MGMT: variants seen among roughly 807,000 people sequenced by gnomAD.
MGMT encodes O-6-methylguanine-DNA methyltransferase.
Under a neutral mutation model 15.9 loss-of-function variants are expected in MGMT, and 14 were observed. That is an observed-to-expected ratio of 0.88 (90% confidence interval 0.58 to 1.37). The LOEUF (loss-of-function observed/expected upper bound fraction) is 1.37. MGMT is among the 40% of genes most tolerant of loss of function. The pLI, the probability that MGMT is intolerant of heterozygous loss-of-function variation, is 0.00. For missense variants in MGMT, 282 were observed against 268.1 expected, an observed-to-expected ratio of 1.05 and a Z score of -0.36; for synonymous variants, 130 against 118.2, an observed-to-expected ratio of 1.10 and a Z score of -0.65.
intron 2 of MGMT, among the ~76,000 whole-genome samples, chr10:129,551,200 A>T (rs1025140981): frequency 6.6e-6 from 1 of 152,242 alleles, no homozygotes; most frequent in Non-Finnish European, 1.5e-5. Flanking sequence ...ACCCAAGTAC[A>T]TGCAAAGTGC....
Position 129,767,306 on chromosome 10 carries a change from C to T in MGMT, c.*309C>T, listed in dbSNP as rs1328454556. ...GGGGCAGTCTGGCACCCTCAGGCCA[C>T]AGACGGCTGCCATAGCCGCTGTCCA... On this transcript the variant is annotated 3_prime_UTR_variant, in exon 5 of 5. Transcript: ENST00000651593. 1 of 230,496 alleles carries T rather than the reference C, an allele frequency of 4.3e-6. No individual in the cohort carries two copies. Among genetic ancestry groups the T allele is most frequent in the African/African-American group, 2.3e-5 (1 of 43,774 alleles). The allele number at this position is 230,496 out of a possible 1,614,324, so 14.3% of individuals were successfully genotyped here.
intron 2 of MGMT, among the ~76,000 whole-genome samples, chr10:129,669,362 T>G (rs2133111310): frequency 6.6e-6 from 1 of 152,310 alleles, no homozygotes; most frequent in South Asian, 2.1e-4. Context: ...TCTTTCTGGC[T>G]GGTTGCTTAC....
intron 2 of MGMT, among the ~76,000 whole-genome samples, chr10:129,706,602 G>A (rs1246674549): frequency 2.0e-5 from 3 of 152,184 alleles, no homozygotes; most frequent in Non-Finnish European, 4.4e-5. Context: ...GGGGAAGCAT[G>A]CCGTTTGTCT....
Position 129,768,193 on chromosome 10 carries a change from G to T in MGMT, c.*1196G>T, listed in dbSNP as rs369334525. On this transcript the variant is annotated 3_prime_UTR_variant, in exon 5 of 5. Coordinates refer to ENST00000651593, the MANE Select transcript of MGMT (RefSeq NM_002412.5). ...CTCACGATGTGTATGGTTGGGACCC[G>T]CCTTCTATTTCATTTTATCTTAACA... is the stretch of plus-strand genomic sequence containing the variant. 6.6e-6 allele frequency among the ~76,000 whole-genome samples: 1 copy of T among 152,120 alleles called. No individual in the cohort carries two copies. The highest frequency in any genetic ancestry group is 1.5e-5 in the Non-Finnish European group (1 of 68,022).
At chr10:129,753,531 GA>G (rs1324301305) in intron 3 of MGMT, among the ~76,000 whole-genome samples, 1 of 151,850 alleles carries the variant, frequency 6.6e-6, no homozygotes, top group East Asian at 1.9e-4. Context: ...TTGTTTGGAT[GA>G]TTTTTTGTTA....
Position 129,725,878 on chromosome 10 carries a change from A to C in MGMT, c.274+17835A>C, listed in dbSNP as rs1589960518. 2.0e-5 allele frequency among the ~76,000 whole-genome samples: 3 copies of C among 152,332 alleles called. No individual in the cohort carries two copies. The Middle Eastern group carries it at 0.01, about 518-fold the overall frequency. ...TTCAATTCTGCTGTCACGTGTCTGC[A>C]CTGTAGCCTGTTCTGCCTTCTCAAC... On this transcript the variant is annotated intron_variant, in intron 3 of 4. Coordinates refer to ENST00000651593, the MANE Select transcript of MGMT (RefSeq NM_002412.5).
At chr10:129,658,366 AT>A (rs1847556102) in intron 2 of MGMT, among the ~76,000 whole-genome samples, 4 of 152,214 alleles carry the variant, frequency 2.6e-5, no homozygotes, top group Non-Finnish European at 5.9e-5. Context: ...TTTATAAAAT[AT>A]GCATTGAGAG....
intron 2 of MGMT, among the ~76,000 whole-genome samples, chr10:129,643,621 G>C (rs978962017): frequency 2.0e-5 from 3 of 152,192 alleles, no homozygotes; most frequent in Non-Finnish European, 4.4e-5. Flanking sequence ...GTGACTGTTC[G>C]TGCCAGTGAA....
intron 2 of MGMT, among the ~76,000 whole-genome samples, chr10:129,677,639 C>G (rs572954107): frequency 5.3e-5 from 8 of 152,366 alleles, no homozygotes; most frequent in South Asian, 4.1e-4. Flanking sequence ...AGCTCAACAC[C>G]TGCCTGCCTC....
chr10:129,686,004 CA>C (rs1327310071), intron 2 of MGMT, among the ~76,000 whole-genome samples: 1 of 152,218 alleles, frequency 6.6e-6, no homozygotes, highest in Non-Finnish European at 1.5e-5. Context: ...TGCCCAGTGG[CA>C]GATGTGCTTA....
intron 2 of MGMT, among the ~76,000 whole-genome samples, chr10:129,691,174 A>G (rs1308065915): frequency 1.3e-5 from 2 of 152,206 alleles, no homozygotes; most frequent in African/African-American, 4.8e-5. Flanking sequence ...AAGGAGTTAG[A>G]GGTGATGACC....
intron 2 of MGMT, among the ~76,000 whole-genome samples, chr10:129,584,104 G>C (rs1012790350): frequency 2.0e-5 from 3 of 152,232 alleles, no homozygotes; most frequent in South Asian, 2.1e-4. Flanking sequence ...AGAGAGGTCA[G>C]AGAGTAGACA....
chr10:129,493,830 G>C (rs1478905409), intron 1 of MGMT, among the ~76,000 whole-genome samples: 2 of 152,154 alleles, frequency 1.3e-5, no homozygotes, highest in Admixed American at 6.5e-5. Context: ...CTCTCTAGGG[G>C]ACAAAGCTGA....
chr10:129,654,367 C>G (rs1847499676), intron 2 of MGMT, among the ~76,000 whole-genome samples: 2 of 152,134 alleles, frequency 1.3e-5, no homozygotes, highest in African/African-American at 4.8e-5. Flanking sequence ...GGGTCGGGCA[C>G]CTGCCACACT....
intron 1 of MGMT, among the ~76,000 whole-genome samples, chr10:129,522,092 G>T (rs1338622127): frequency 1.0e-5 from 1 of 98,344 alleles, no homozygotes; most frequent in African/African-American, 5.7e-5. Context: ...TAATGGAGAA[G>T]AATTGGGTAA....
At chr10:129,609,274 A>T (rs1168369554) in intron 2 of MGMT, among the ~76,000 whole-genome samples, 2 of 150,962 alleles carry the variant, frequency 1.3e-5, no homozygotes, top group Admixed American at 1.3e-4. Context: ...GGATGGTAGA[A>T]CTGGAATCGT....
intron 1 of MGMT, among the ~76,000 whole-genome samples, chr10:129,521,261 T>C (rs1845806944): frequency 6.6e-6 from 1 of 152,136 alleles, no homozygotes; most frequent in East Asian, 1.9e-4. Flanking sequence ...CACACCAGGC[T>C]GGACACGGGA....
At chr10:129,649,595 T>C (rs2133096420) in intron 2 of MGMT, among the ~76,000 whole-genome samples, 1 of 152,330 alleles carries the variant, frequency 6.6e-6, no homozygotes, top group South Asian at 2.1e-4. Flanking sequence ...TTGGCATCTG[T>C]ACTTTGAAGC....
At chr10:129,629,021 C>G (rs2133081247) in intron 2 of MGMT, among the ~76,000 whole-genome samples, 1 of 152,338 alleles carries the variant, frequency 6.6e-6, no homozygotes, top group East Asian at 1.9e-4. Flanking sequence ...CCTGACACCT[C>G]TCCTGCAGCA....
Sources: gnomAD v4.1 joint callset for allele counts (sites outside exome capture counted in the v4.1 genomes callset) on GRCh38, gnomAD v4.1.1 for gene constraint, MANE v1.5 for transcripts, NCBI Gene and HGNC (gene_info 2026-07-23, HGNC 2026-07-21) for gene names.